CSGALNACT1: variants seen among roughly 807,000 people sequenced by gnomAD.
CSGALNACT1 encodes beta4GalNAcT-1.
A neutral mutation model predicts 51.0 loss-of-function variants in CSGALNACT1; 52 were observed. The observed-to-expected ratio is 1.02, with a 90% confidence interval of 0.82 to 1.29. The LOEUF (loss-of-function observed/expected upper bound fraction) is 1.29. CSGALNACT1 is among the 50% of genes most tolerant of loss of function. The pLI is 0.00. For missense variants in CSGALNACT1, 935 were observed against 679.2 expected (o/e 1.38, Z -4.19); for synonymous variants, 341 against 254.4 (o/e 1.34, Z -3.24).
At chr8:19,481,235 G>A (rs1263368062) in intron 4 of CSGALNACT1, among the ~76,000 whole-genome samples, 4 of 151,996 alleles carry the variant, frequency 2.6e-5, no homozygotes, top group Non-Finnish European at 5.9e-5. Flanking sequence ...AATGCCTTGT[G>A]CCCATCGACC....
At chr8:19,731,039 G>T (rs904049671) in intron 1 of CSGALNACT1, among the ~76,000 whole-genome samples, 2 of 152,310 alleles carry the variant, frequency 1.3e-5, no homozygotes, top group South Asian at 2.1e-4. Flanking sequence ...GAATTAGGGG[G>T]TGTGAGGCTC....
intron 6 of CSGALNACT1, among the ~76,000 whole-genome samples, chr8:19,428,269 G>A (rs2059092069): frequency 6.6e-6 from 1 of 152,134 alleles, no homozygotes; most frequent in Non-Finnish European, 1.5e-5. Flanking sequence ...CGAAGACTGG[G>A]TAATTTCTAA....
rs939895200 is a variant in CSGALNACT1 at position 19,590,689 on chromosome 8, G to A, written c.-297+471C>T. Among the ~76,000 whole-genome samples the A allele has an allele frequency of 3.4e-4, 39 of 113,244 alleles. 1 individual carries two copies. Among genetic ancestry groups the A allele is most frequent in the South Asian group, 3.0e-4 (1 of 3,292 alleles). The allele number at this position is 113,244 out of a possible 152,430, so 74.3% of individuals were successfully genotyped here. On this transcript the variant is annotated intron_variant, in intron 3 of 9. Transcript: ENST00000454498. ...TTTGGAGATGGAGTCTCGCTCTGTCGCCCAGGCTGGAGTGCATTGGCGCGA... is the reference window on the plus strand; with the variant it reads ...TTTGGAGATGGAGTCTCGCTCTGTCACCCAGGCTGGAGTGCATTGGCGCGA...
chr8:19,639,789 G>C (rs1031696053), intron 1 of CSGALNACT1, among the ~76,000 whole-genome samples: 1 of 151,948 alleles, frequency 6.6e-6, no homozygotes, highest in African/African-American at 2.4e-5. Context: ...AAAATATTAA[G>C]GAGTCTCCTG....
At chr8:19,694,684 C>T (rs559407254) in intron 1 of CSGALNACT1, among the ~76,000 whole-genome samples, 1 of 152,332 alleles carries the variant, frequency 6.6e-6, no homozygotes, top group South Asian at 2.1e-4. Flanking sequence ...AAATAAACTT[C>T]TAGAATTGAT....
chr8:19,696,503 G>A (rs907838079), intron 1 of CSGALNACT1, among the ~76,000 whole-genome samples: 7 of 152,150 alleles, frequency 4.6e-5, no homozygotes, highest in African/African-American at 1.7e-4. Flanking sequence ...GTGGGGGCAG[G>A]GAAGTGCAAG....
chr8:19,443,478 G>C (rs966384886), intron 5 of CSGALNACT1, among the ~76,000 whole-genome samples: 1 of 152,146 alleles, frequency 6.6e-6, no homozygotes, highest in African/African-American at 2.4e-5. Flanking sequence ...TGGACTCACA[G>C]TTCCACATGG....
intron 4 of CSGALNACT1, among the ~76,000 whole-genome samples, chr8:19,472,919 T>C (rs139516230): frequency 2.3e-4 from 35 of 152,364 alleles, no homozygotes; most frequent in African/African-American, 8.2e-4. Flanking sequence ...AAAACATTCA[T>C]GCCTGATACA....
At chr8:19,514,475 C>CTATATATATATATATA (rs33928915) in intron 3 of CSGALNACT1, among the ~76,000 whole-genome samples, 831 of 78,458 alleles carry the variant, frequency 0.011, 56 homozygotes, top group African/African-American at 0.015. Flanking sequence ...TGAACAGAGA[C>CTATATATATATATATA]TATATATATA....
chr8:19,747,665 A>G (rs990456857), intron 1 of CSGALNACT1, among the ~76,000 whole-genome samples: 1 of 152,132 alleles, frequency 6.6e-6, no homozygotes, highest in African/African-American at 2.4e-5. Context: ...ACAGTCCACA[A>G]ATTTCATTGC....
At chr8:19,732,630 G>A (rs1411346244) in intron 1 of CSGALNACT1, 1 of 152,120 alleles carries the variant, frequency 6.6e-6, no homozygotes, top group Non-Finnish European at 1.5e-5. Flanking sequence ...CAGCATCAAG[G>A]TTTATGAGTT....
rs1016967014 is a variant in CSGALNACT1 at position 19,412,123 on chromosome 8, G to A, written c.1228-3429C>T. ...GCTGGGATCACAGGCATGGGCCACC[G>A]CACCCAGCCTGCTATCCTCATTTTC... On this transcript the variant is annotated intron_variant, in intron 8 of 9. Coordinates refer to ENST00000454498, the Ensembl canonical transcript of CSGALNACT1. 3.9e-5 allele frequency among the ~76,000 whole-genome samples: 6 copies of A among 152,250 alleles called. No homozygotes were observed. The South Asian group carries it at 6.2e-4, about 16-fold the overall frequency.
chr8:19,702,751 T>C (rs946262429), intron 1 of CSGALNACT1, among the ~76,000 whole-genome samples: 1 of 152,090 alleles, frequency 6.6e-6, no homozygotes, highest in Non-Finnish European at 1.5e-5. Flanking sequence ...CCAGACCTCG[T>C]CCTCAAGACT....
intron 1 of CSGALNACT1, among the ~76,000 whole-genome samples, chr8:19,630,208 G>A (rs1346589578): frequency 7.9e-6 from 1 of 126,346 alleles, no homozygotes; most frequent in African/African-American, 3.9e-5. Flanking sequence ...GTGTGTGTGT[G>A]TGTGTGTGTG....
At chr8:19,404,827 C>G (rs907729551) in exon 10 of CSGALNACT1, 2 of 454,378 alleles carry the variant, frequency 4.4e-6, no homozygotes, top group African/African-American at 4.0e-5. Context: ...TTCTGTAAAG[C>G]AGAAAGTGTC....
rs1247421995 is a variant in CSGALNACT1, at chr8:19,741,586, C to G, written c.-297+16264G>C. On this transcript the variant is annotated intron_variant, in intron 1 of 1. Coordinates refer to the CSGALNACT1 transcript ENST00000517494. The stretch of plus-strand genomic sequence containing the variant: ...AAAAAAAAAAAAAAAAAAAGGGAGT[C>G]TTAGCCAAAAGAGTCGGGGAGCTGA... 2.8e-5 allele frequency among the ~76,000 whole-genome samples: 4 copies of G among 145,260 alleles called. No individual in the cohort carries two copies. In the Admixed American group the frequency reaches 2.8e-4, roughly 10 times the overall value.
intron 3 of CSGALNACT1, among the ~76,000 whole-genome samples, chr8:19,568,725 A>G (rs1416183384): frequency 1.3e-5 from 2 of 152,204 alleles, no homozygotes; most frequent in Non-Finnish European, 2.9e-5. Context: ...CCAAACCAAC[A>G]GATATATGGT....
At chr8:19,421,125 T>G (rs924162754) in intron 6 of CSGALNACT1, among the ~76,000 whole-genome samples, 1 of 152,210 alleles carries the variant, frequency 6.6e-6, no homozygotes, top group African/African-American at 2.4e-5. Context: ...AGCTCTGTGA[T>G]CTAGGCCAGC....
intron 1 of CSGALNACT1, among the ~76,000 whole-genome samples, chr8:19,731,624 C>T (rs1213146179): frequency 2.6e-5 from 4 of 152,274 alleles, no homozygotes; most frequent in East Asian, 3.9e-4. Context: ...TCCAAACAAC[C>T]GCAATAAAAA....
Sources: gnomAD v4.1 joint callset for allele counts (sites outside exome capture counted in the v4.1 genomes callset) on GRCh38, gnomAD v4.1.1 for gene constraint, MANE v1.5 for transcripts, NCBI Gene and HGNC (gene_info 2026-07-23, HGNC 2026-07-21) for gene names.